SOCS5: variants seen among roughly 807,000 people sequenced by gnomAD.
The protein encoded by SOCS5 is suppressor of cytokine signaling 5.
A neutral mutation model predicts 42.8 loss-of-function variants in SOCS5; 32 were observed. That is an observed-to-expected ratio of 0.75 (90% CI 0.56 to 1.01). SOCS5 has a LOEUF of 1.01. SOCS5 is among the 50% of genes least tolerant of loss of function. SOCS5 has a pLI of 0.00. For synonymous variants in SOCS5, 283 were observed against 229.6 expected, an observed-to-expected ratio of 1.23 and a Z score of -2.10; for missense variants, 627 against 653.0, an observed-to-expected ratio of 0.96 and a Z score of 0.43.
At chr2:46,709,988 C>T (rs376786873) in intron 1 of SOCS5, among the ~76,000 whole-genome samples, 1 of 152,100 alleles carries the variant, frequency 6.6e-6, no homozygotes, top group South Asian at 2.1e-4. Flanking sequence ...TCTCCACCCC[C>T]CATGCTTGAA....
intron 1 of SOCS5, among the ~76,000 whole-genome samples, chr2:46,710,678 G>A (rs1296422414): frequency 6.6e-6 from 1 of 152,158 alleles, no homozygotes; most frequent in Admixed American, 6.5e-5. Context: ...GTGAAAGACT[G>A]AGTTCTTTCT....
Position 46,759,687 on chromosome 2 carries a change from T to A in SOCS5, c.1157T>A (p.Met386Lys). 6.2e-7 allele frequency: 1 copy of A among 1,614,142 alleles called. No individual in the cohort carries two copies. Among genetic ancestry groups the A allele is most frequent in the Non-Finnish European group, 8.5e-7 (1 of 1,180,006 alleles). Residue 386 changes from methionine (M) to lysine (K), a missense_variant, in exon 2 of 2, where the codon ATG (methionine) becomes AAG (lysine). Physicochemically the swap from Met to Lys is moderately conservative, Grantham distance 95. This residue lies in a region of SOCS5 where 340 missense variants were observed against 367.6 expected (regional missense o/e 0.92). Coordinates refer to ENST00000394861, the MANE Select transcript of SOCS5 (RefSeq NM_144949.3). ...ITGNPCYWGVMDRYEAEALLE... is the reference protein window; with the variant it reads ...ITGNPCYWGVKDRYEAEALLE... ...GGGAATCCCTGTTACTGGGGAGTGA[T>A]GGACCGTTATGAAGCAGAAGCCCTT...
Position 46,758,569 on chromosome 2 carries a change from C to G in SOCS5, c.39C>G (p.Tyr13Ter). Residue 13 changes from tyrosine (Y) to a stop codon, truncating the protein, a stop_gained, in exon 2 of 2, where the codon TAC becomes TAG. Coordinates refer to ENST00000394861, the MANE Select transcript of SOCS5 (RefSeq NM_144949.3). LOFTEE classifies it high-confidence loss of function. ...GAAAAATGTGGAATAACTTCAAATA[C>G]AGGTGTCAGAATCTCTTCGGTCATG... ...KVGKMWNNFK[Y>*]RCQNLFGHEG... 6.2e-7 allele frequency: 1 copy of G among 1,605,754 alleles called. No homozygotes were observed. Among genetic ancestry groups the G allele is most frequent in the Non-Finnish European group, 8.5e-7 (1 of 1,177,378 alleles).
intron 1 of SOCS5, among the ~76,000 whole-genome samples, chr2:46,740,329 A>G (rs542664085): frequency 9.2e-5 from 14 of 152,322 alleles, no homozygotes; most frequent in African/African-American, 3.4e-4. Flanking sequence ...AGCTTAACCA[A>G]TCAGGTTCTG....
intron 1 of SOCS5, among the ~76,000 whole-genome samples, chr2:46,746,642 A>G (rs1166753733): frequency 1.3e-5 from 2 of 149,778 alleles, no homozygotes; most frequent in East Asian, 1.9e-4. Flanking sequence ...CAGAGACTCC[A>G]TCTCAAAAAA....
intron 1 of SOCS5, among the ~76,000 whole-genome samples, chr2:46,756,487 T>A (rs1336467409): frequency 6.6e-6 from 1 of 151,956 alleles, no homozygotes; most frequent in African/African-American, 2.4e-5. Context: ...AGGCCAGATT[T>A]GGCCTTCAGG....
rs769338868 is a variant in SOCS5, at chr2:46,759,090, T to C, written c.560T>C (p.Leu187Ser). ...LRQRLQDTVGLCFPMRTYSKQ... is the reference protein window; with the variant it reads ...LRQRLQDTVGSCFPMRTYSKQ... ...CAGAGGTTGCAGGATACTGTGGGCT[T>C]GTGTTTTCCCATGAGAACTTACAGC... The change falls in exon 2 of 2, where the codon TTG (leucine) becomes TCG (serine). Residue 187 changes from leucine (L) to serine (S), a missense_variant. Physicochemically the swap from Leu to Ser is moderately radical, Grantham distance 145. Around this residue, in one of 3 missense-constraint regions of SOCS5, gnomAD observed 278 missense variants for 246.3 expected, o/e 1.13. Coordinates refer to ENST00000394861, the MANE Select transcript of SOCS5 (RefSeq NM_144949.3). The C allele has an allele frequency of 6.2e-7, 1 of 1,613,964 alleles. No individual in the cohort carries two copies. The highest frequency in any genetic ancestry group is 8.5e-7 in the Non-Finnish European group (1 of 1,179,832).
Position 46,759,766 on chromosome 2 carries a change from C to CT in SOCS5, c.1237dup (p.Tyr413LeufsTer19). On this transcript the variant is annotated frameshift_variant, in exon 2 of 2. Transcript: ENST00000394861. LOFTEE classifies it high-confidence loss of function. Reference sequence around the variant, plus strand: ...TGCTCAGGGACTCTGCGCAAGAGGACTACCTCTTCTCTGTGAGCTTCCGCC... The same window carrying CT: ...TGCTCAGGGACTCTGCGCAAGAGGACTTACCTCTTCTCTGTGAGCTTCCGCC... 2 of 1,614,168 alleles carry CT rather than the reference C, an allele frequency of 1.2e-6. No homozygotes were observed.
intron 1 of SOCS5, among the ~76,000 whole-genome samples, chr2:46,723,800 C>T (rs1672935282): frequency 6.6e-6 from 1 of 151,990 alleles, no homozygotes; most frequent in Admixed American, 6.5e-5. Context: ...TGTATCAGTG[C>T]AAAATATCCT....
intron 1 of SOCS5, among the ~76,000 whole-genome samples, chr2:46,716,088 AT>A (rs924109844): frequency 1.3e-4 from 18 of 140,196 alleles, no homozygotes; most frequent in African/African-American, 4.3e-4. Flanking sequence ...TGTCCAGTCA[AT>A]TTTTCATGTC....
intron 1 of SOCS5, among the ~76,000 whole-genome samples, chr2:46,716,348 C>A (rs1672741864): frequency 1.7e-5 from 1 of 58,944 alleles, no homozygotes; most frequent in Non-Finnish European, 3.5e-5. Flanking sequence ...TAATGGATTT[C>A]ATGATGTTGA....
chr2:46,713,323 T>G (rs1268491628), intron 1 of SOCS5, among the ~76,000 whole-genome samples: 1 of 152,210 alleles, frequency 6.6e-6, no homozygotes, highest in Non-Finnish European at 1.5e-5. Context: ...GCCACTGCAC[T>G]CCAGGGTGGG....
At chr2:46,728,771 G>T (rs1186072394) in intron 1 of SOCS5, among the ~76,000 whole-genome samples, 1 of 152,142 alleles carries the variant, frequency 6.6e-6, no homozygotes, top group Non-Finnish European at 1.5e-5. Context: ...GGCCAGACTG[G>T]TCTTGAACTC....
chr2:46,707,821 TATC>T (rs1260610523), intron 1 of SOCS5, among the ~76,000 whole-genome samples: 13 of 152,192 alleles, frequency 8.5e-5, no homozygotes, highest in African/African-American at 2.9e-4. Flanking sequence ...AAGTTGAAAA[TATC>T]ATTAGGTCAG....
chr2:46,731,491 C>T (rs1281268349), intron 1 of SOCS5, among the ~76,000 whole-genome samples: 1 of 152,180 alleles, frequency 6.6e-6, no homozygotes, highest in Non-Finnish European at 1.5e-5. Context: ...AATACTAAGA[C>T]AAGGACCCTG....
chr2:46,750,234 C>A (rs562113000), intron 1 of SOCS5, among the ~76,000 whole-genome samples: 1 of 152,070 alleles, frequency 6.6e-6, no homozygotes, highest in African/African-American at 2.4e-5. Context: ...AGTATCTGTA[C>A]GTGAGATTTG....
chr2:46,746,708 C>A (rs963185107), intron 1 of SOCS5, among the ~76,000 whole-genome samples: 2 of 150,962 alleles, frequency 1.3e-5, no homozygotes, highest in African/African-American at 4.9e-5. Flanking sequence ...TGTTACATCT[C>A]TTTTAATTTT....
intron 1 of SOCS5, among the ~76,000 whole-genome samples, chr2:46,752,071 C>T (rs1332417538): frequency 6.6e-6 from 1 of 152,096 alleles, no homozygotes; most frequent in Non-Finnish European, 1.5e-5. Flanking sequence ...CTGTACGGCC[C>T]ACAAAACCTA....
chr2:46,716,123 T>C (rs1195306639), intron 1 of SOCS5, among the ~76,000 whole-genome samples: 1 of 151,632 alleles, frequency 6.6e-6, no homozygotes, highest in Non-Finnish European at 1.5e-5. Flanking sequence ...TTTTTTTTTT[T>C]TTAGTTCTAG....
Sources: gnomAD v4.1 joint callset for allele counts (sites outside exome capture counted in the v4.1 genomes callset) on GRCh38, gnomAD v4.1.1 for gene constraint, gnomAD v4.1.1 regional missense constraint, MANE v1.5 for transcripts, NCBI Gene and HGNC (gene_info 2026-07-23, HGNC 2026-07-21) for gene names.